Variants in PCDH20 observed in about 807,000 individuals in gnomAD.
PCDH20 encodes protocadherin 20, also known as protocadherin-20.
A neutral mutation model predicts 39.7 loss-of-function variants in PCDH20; 18 were observed. That is an observed-to-expected ratio of 0.45 (90% confidence interval 0.31 to 0.67). The LOEUF (loss-of-function observed/expected upper bound fraction) is 0.67. Ranked by LOEUF, PCDH20 falls within the 30% of genes least tolerant of loss-of-function variation. The probability of loss-of-function intolerance (pLI) is 0.05; values close to 1 mark genes in which losing one functional copy is unlikely to be tolerated. For missense variants in PCDH20, 1,161 were observed against 1,167.4 expected (o/e 0.99, Z 0.08); for synonymous variants, 495 against 455.4 (o/e 1.09, Z -1.11).
chr13:61,411,986 G>C (rs1244767508), exon 2 of PCDH20: 1 of 1,614,122 alleles, frequency 6.2e-7, no homozygotes, highest in Non-Finnish European at 8.5e-7. Flanking sequence ...TAGGAGCTTT[G>C]CTGCTCTCTG....
At chr13:61,412,162 A>T in exon 2 of PCDH20, 1 of 1,614,050 alleles carries the variant, frequency 6.2e-7, no homozygotes, top group Non-Finnish European at 8.5e-7. Context: ...AGGCACAAAA[A>T]AGCTGAAGTC....
chr13:61,411,983 T>A, exon 2 of PCDH20: 1 of 1,614,120 alleles, frequency 6.2e-7, no homozygotes, highest in Non-Finnish European at 8.5e-7. Context: ...GTATAGGAGC[T>A]TTGCTGCTCT....
chr13:61,415,094 C>T lies in PCDH20; in HGVS notation c.65G>A (p.Trp22Ter). ...ACGCCCCATATCCAGGCGCGGGTGC[C>T]AGGTCGCCGGGCACCAGCTCACTCC... The change falls in exon 1 of 2, where the codon TGG (tryptophan) becomes TAG (stop). Residue 22 changes from tryptophan to a stop codon, truncating the protein, a stop_gained. Coordinates refer to ENST00000409204, the Ensembl canonical transcript of PCDH20. LOFTEE classifies it high-confidence loss of function. 1 of 1,567,208 alleles carries T rather than the reference C, an allele frequency of 6.4e-7. No individual in the cohort carries two copies. Among genetic ancestry groups the T allele is most frequent in the South Asian group, 1.2e-5 (1 of 85,154 alleles).
exon 2 of PCDH20, chr13:61,413,478 C>G: frequency 6.2e-7 from 1 of 1,613,810 alleles, no homozygotes; most frequent in South Asian, 1.1e-5. Flanking sequence ...CAGGGAACTG[C>G]GGGGCGTTGT....
exon 1 of PCDH20, chr13:61,415,188 T>A (rs1424085156): frequency 4.4e-6 from 6 of 1,371,320 alleles, no homozygotes; most frequent in Non-Finnish European, 3.8e-6. Context: ...AGAGCGCTCT[T>A]GAAGGGAGGG....
rs1289064611 is a variant in PCDH20 at position 61,412,862 on chromosome 13, G to A, written c.1237C>T (p.Leu413Phe). The change falls in exon 2 of 2, where the codon CTT (leucine) becomes TTT (phenylalanine). Residue 413 changes from leucine to phenylalanine, a missense_variant. Leu to Phe is a conservative substitution (Grantham distance 22). Coordinates refer to ENST00000409204, the Ensembl canonical transcript of PCDH20. ...AAAATAACTTTAATAATGGACACAAGAGCAGTGATTACAGCAGGGATGCAG... is the reference window on the plus strand; with the variant it reads ...AAAATAACTTTAATAATGGACACAAAAGCAGTGATTACAGCAGGGATGCAG... The A allele has an allele frequency of 3.1e-6, 5 of 1,613,924 alleles. No homozygotes were observed. In the African/African-American group the frequency reaches 5.3e-5, roughly 17 times the overall value.
exon 2 of PCDH20, chr13:61,413,773 G>A (rs201988540): frequency 6.2e-7 from 1 of 1,613,624 alleles, no homozygotes; most frequent in Admixed American, 1.7e-5. Context: ...CTCAGCACCG[G>A]TGCGCTCTGG....
exon 2 of PCDH20, chr13:61,413,364 C>G: frequency 1.2e-6 from 2 of 1,614,054 alleles, no homozygotes; most frequent in Non-Finnish European, 1.7e-6. Context: ...AGCGATAGGT[C>G]TGTACCCCAT....
In PCDH20 at chr13:61,412,097, C is replaced by G. The variant is rs201623253; in HGVS notation, c.2002G>C (p.Ala668Pro). ...AGGGCGACCCATCCATTTCGTCCAG[C>G]GTCAGCATCTGTTACACTAATTACT... The change falls in exon 2 of 2, where the codon GCT (alanine) becomes CCT (proline). Residue 668 changes from alanine (A) to proline (P), a missense_variant. Transcript: ENST00000409204. The G allele has an allele frequency of 3.1e-6, 5 of 1,613,958 alleles. No individual in the cohort carries two copies. Among genetic ancestry groups the G allele is most frequent in the Admixed American group, 3.3e-5 (2 of 59,988 alleles).
At chr13:61,411,450 A>G in exon 2 of PCDH20, 1 of 1,614,156 alleles carries the variant, frequency 6.2e-7, no homozygotes, top group Non-Finnish European at 8.5e-7. Flanking sequence ...TACAAGACAC[A>G]GATTCTACCT....
chr13:61,413,408 C>G (rs1193280286), exon 2 of PCDH20: 1 of 1,614,076 alleles, frequency 6.2e-7, no homozygotes, highest in Middle Eastern at 1.6e-4. Flanking sequence ...GCAGGATGCT[C>G]TATGGCCAGT....
At chr13:61,411,909 A>G in exon 2 of PCDH20, 2 of 1,614,140 alleles carry the variant, frequency 1.2e-6, no homozygotes, top group East Asian at 4.5e-5. Flanking sequence ...CTAGAAGGAG[A>G]ATTGTGATTT....
At chr13:61,413,401 G>C in exon 2 of PCDH20, 34 of 1,614,118 alleles carry the variant, frequency 2.1e-5, no homozygotes, top group Non-Finnish European at 2.9e-5. Context: ...GTCCACAGCA[G>C]GATGCTCTAT....
exon 2 of PCDH20, chr13:61,411,055 TA>T (rs2138016832): frequency 1.9e-6 from 1 of 524,036 alleles, no homozygotes; most frequent in Non-Finnish European, 3.3e-6. Flanking sequence ...AATTTTCACT[TA>T]AAAATGCTGT....
At chr13:61,411,906 G>A (rs777386880) in exon 2 of PCDH20, 8 of 1,614,128 alleles carry the variant, frequency 5.0e-6, no homozygotes, top group Non-Finnish European at 5.9e-6. Flanking sequence ...TATCTAGAAG[G>A]AGAATTGTGA....
chr13:61,414,928 T>C, intron 1 of PCDH20, 99 bp downstream of exon 1: 1 of 1,258,412 alleles, frequency 7.9e-7, no homozygotes, highest in Non-Finnish European at 1.0e-6. Context: ...CCGTGAAGTT[T>C]AGATAAAGGT....
chr13:61,412,584 T>C, exon 2 of PCDH20: 1 of 1,614,150 alleles, frequency 6.2e-7, no homozygotes, highest in Non-Finnish European at 8.5e-7. Flanking sequence ...CCACCACAGC[T>C]ACTTCATAGA....
chr13:61,415,618 A>G (rs1871532903), upstream of PCDH20: 1 of 153,290 alleles, frequency 6.5e-6, no homozygotes, highest in Admixed American at 6.5e-5. Context: ...TGCTTTGCCA[A>G]CAGTTCCTCC....
exon 2 of PCDH20, chr13:61,411,199 A>G (rs757641006): frequency 2.2e-5 from 33 of 1,517,832 alleles, no homozygotes; most frequent in Non-Finnish European, 2.8e-5. Flanking sequence ...ATGAAGATCC[A>G]AAGTCAGTTA....
Sources: allele counts gnomAD v4.1 joint callset, GRCh38; gene constraint gnomAD v4.1.1; transcripts MANE v1.5; gene names NCBI Gene and HGNC (gene_info 2026-07-23, HGNC 2026-07-21).